The following TEX11 variants were observed in gnomAD, a reference collection of about 807,000 sequenced individuals.
TEX11 encodes the protein testis expressed 11, also known as testis-expressed protein 11.
A neutral mutation model predicts 84.4 loss-of-function variants in TEX11; 7 were observed. The ratio of observed to expected loss-of-function variants is 0.08; its 90% CI spans 0.05 to 0.16. The LOEUF (loss-of-function observed/expected upper bound fraction) is 0.16. TEX11 is among the 10% of genes least tolerant of loss of function. The pLI, the probability that TEX11 is intolerant of heterozygous loss-of-function variation, is 1.00. For synonymous variants in TEX11, 264 were observed against 222.8 expected (o/e 1.18, Z -1.64); for missense variants, 551 against 660.5 (o/e 0.83, Z 1.82).
chrX:70,540,434 AC>A (rs1466660739), intron 28 of TEX11, among the ~76,000 whole-genome samples: 1 of 109,395 alleles, frequency 9.1e-6, no homozygotes, highest in Non-Finnish European at 1.9e-5. Context: ...TTATGTAATA[AC>A]CCCAGTCCTT....
intron 9 of TEX11, among the ~76,000 whole-genome samples, chrX:70,775,799 C>CA (rs55995616): frequency 2.0e-4 from 9 of 44,061 alleles, no homozygotes; most frequent in Middle Eastern, 0.016. Context: ...GACTCCGTCT[C>CA]AAAAAAAAAA....
At chrX:70,869,107 T>C (rs867175281) in intron 4 of TEX11, among the ~76,000 whole-genome samples, 3 of 98,521 alleles carry the variant, frequency 3.0e-5, no homozygotes, top group African/African-American at 1.2e-4. Flanking sequence ...TAAAATAAAA[T>C]AAAATAAAAC....
chrX:70,685,727 C>T (rs920879957), intron 13 of TEX11, among the ~76,000 whole-genome samples: 5 of 112,003 alleles, frequency 4.5e-5, no homozygotes, highest in African/African-American at 6.5e-5. Context: ...TCCATAGCCT[C>T]GCCAGCATCT....
At chrX:70,843,428 C>A (rs1300470015) in intron 7 of TEX11, among the ~76,000 whole-genome samples, 2 of 111,739 alleles carry the variant, frequency 1.8e-5, no homozygotes, top group African/African-American at 6.5e-5. Flanking sequence ...AAGCTGGATC[C>A]CTTCCTTACA....
chrX:70,524,426 G>C (rs1001344364), downstream of TEX11, among the ~76,000 whole-genome samples: 4 of 112,587 alleles, frequency 3.6e-5, no homozygotes, highest in African/African-American at 1.3e-4. Flanking sequence ...GCCACTAGCT[G>C]GCATGCTGAT....
At chrX:70,853,200 G>C (rs775847118) in intron 6 of TEX11, 47 bp from the exon 7 acceptor site, 1 of 1,207,024 alleles carries the variant, frequency 8.3e-7, no homozygotes, top group South Asian at 1.8e-5. Flanking sequence ...AATAACCACA[G>C]ATGTTACTAC....
chrX:70,709,404 A>G (rs1050589535), intron 13 of TEX11, among the ~76,000 whole-genome samples: 14 of 111,162 alleles, frequency 1.3e-4, no homozygotes, highest in African/African-American at 3.9e-4. Flanking sequence ...CTCTTTTTCT[A>G]TATTATCAGG....
chrX:70,904,307 A>G (rs1018387702), intron 2 of TEX11, among the ~76,000 whole-genome samples: 2 of 111,704 alleles, frequency 1.8e-5, no homozygotes, highest in African/African-American at 6.5e-5. Context: ...CAGTAAATCT[A>G]TGAAAGTACA....
intron 25 of TEX11, among the ~76,000 whole-genome samples, chrX:70,589,614 C>T (rs749335788): frequency 1.1e-4 from 12 of 111,527 alleles, no homozygotes; most frequent in Non-Finnish European, 1.5e-4. Flanking sequence ...ACTCCGCCTG[C>T]GGGGTTCAAG....
At chrX:70,645,946 A>G (rs2089736367) in intron 17 of TEX11, among the ~76,000 whole-genome samples, 1 of 111,609 alleles carries the variant, frequency 9.0e-6, no homozygotes, top group Non-Finnish European at 1.9e-5. Context: ...GGAAGCAAAA[A>G]GACCCTGACT....
At chrX:70,670,094 C>T (rs757415339) in intron 16 of TEX11, among the ~76,000 whole-genome samples, 38 of 112,118 alleles carry the variant, frequency 3.4e-4, no homozygotes, top group South Asian at 1.1e-3. Context: ...TAGCAGATAA[C>T]TTTGTTCAGG....
intron 13 of TEX11, among the ~76,000 whole-genome samples, chrX:70,691,038 C>T (rs1037878241): frequency 5.4e-5 from 6 of 112,085 alleles, no homozygotes; most frequent in Non-Finnish European, 1.1e-4. Flanking sequence ...CTTGTACAGA[C>T]ATTTTCCCAA....
Position 70,725,052 on chromosome X carries a change from A to T in TEX11, c.925+210T>A, listed in dbSNP as rs781628901. Among the ~76,000 whole-genome samples, 291 of 99,553 alleles carry T rather than the reference A, an allele frequency of 2.9e-3. 3 individuals carry two copies. The highest frequency in any genetic ancestry group is 0.012 in the African/African-American group (256 of 21,746). The allele number at this position is 99,553 out of a possible 115,157, so 86.4% of individuals were successfully genotyped here. The stretch of plus-strand genomic sequence containing the variant: ...GATTGCTTTTATTCAGCTTTTTTTA[A>T]AAAAAAAAACACCTTTTAAATTTGC... On this transcript the variant is annotated intron_variant, in intron 12 of 29. Coordinates refer to ENST00000374333, the MANE Select transcript of TEX11 (RefSeq NM_031276.3).
intron 19 of TEX11, 70 bp downstream of exon 19, chrX:70,624,769 G>A: frequency 2.3e-6 from 2 of 858,398 alleles, no homozygotes; most frequent in Non-Finnish European, 3.3e-6. Context: ...CACTATTTTG[G>A]CAGTTTATTG....
At chrX:70,885,558 A>G (rs2091703547) in intron 2 of TEX11, among the ~76,000 whole-genome samples, 1 of 111,683 alleles carries the variant, frequency 9.0e-6, no homozygotes, top group South Asian at 3.7e-4. Flanking sequence ...AATTACAATG[A>G]TATATCACCT....
intron 25 of TEX11, among the ~76,000 whole-genome samples, chrX:70,572,133 A>T (rs201039156): frequency 1.8e-5 from 2 of 109,955 alleles, no homozygotes; most frequent in African/African-American, 6.6e-5. Context: ...GAATCTACAA[A>T]GAACTCAAAC....
intron 28 of TEX11, among the ~76,000 whole-genome samples, 154 bp from the exon 29 acceptor site, chrX:70,530,153 A>G (rs935233767): frequency 1.8e-5 from 2 of 111,341 alleles, no homozygotes; most frequent in African/African-American, 6.6e-5. Context: ...GCAGGAGGAG[A>G]GCACTTTGAA....
chrX:70,844,629 A>T (rs1403817688), intron 7 of TEX11, among the ~76,000 whole-genome samples: 3 of 111,662 alleles, frequency 2.7e-5, no homozygotes, highest in Non-Finnish European at 5.6e-5. Flanking sequence ...AAATAAAAAA[A>T]AAGACTTTGT....
intron 8 of TEX11, among the ~76,000 whole-genome samples, chrX:70,823,844 T>TA (rs113226372): frequency 0.022 from 2,315 of 105,322 alleles, 61 homozygotes; most frequent in African/African-American, 0.074. Context: ...CTGTCTCTAC[T>TA]AAAAAAAAAA....
Sources: allele counts gnomAD v4.1 joint callset (sites outside exome capture counted in the v4.1 genomes callset), GRCh38; gene constraint gnomAD v4.1.1; transcripts MANE v1.5; gene names NCBI Gene and HGNC (gene_info 2026-07-23, HGNC 2026-07-21).